The following CCDC15 variants were observed in gnomAD, a reference collection of about 807,000 sequenced individuals.
The protein encoded by CCDC15 is coiled-coil domain-containing protein 15.
Under a neutral mutation model 114.5 loss-of-function variants are expected in CCDC15, and 105 were observed. The ratio of observed to expected loss-of-function variants is 0.92; its 90% CI spans 0.78 to 1.08. The LOEUF is 1.08. CCDC15 is among the 50% of genes least tolerant of loss of function. CCDC15 has a pLI of 0.00. For synonymous variants in CCDC15, 334 were observed against 377.8 expected, an observed-to-expected ratio of 0.88 and a Z score of 1.34; for missense variants, 1,105 against 1,093.6, an observed-to-expected ratio of 1.01 and a Z score of -0.15.
chr11:125,005,774 C>G (rs73020393), intron 13 of CCDC15, among the ~76,000 whole-genome samples: 5,978 of 152,224 alleles, frequency 0.039, 143 homozygotes, highest in Middle Eastern at 0.092. Flanking sequence ...CATGGTTTTG[C>G]CTTTTCCAGA....
intron 10 of CCDC15, 74 bp from the exon 11 acceptor site, chr11:124,993,095 T>C: frequency 1.1e-6 from 1 of 873,716 alleles, no homozygotes; most frequent in Non-Finnish European, 1.9e-6. Context: ...GGATTGTCAC[T>C]GAAGTCTATA....
intron 4 of CCDC15, among the ~76,000 whole-genome samples, chr11:124,974,877 C>T (rs974069577): frequency 6.6e-6 from 1 of 152,136 alleles, no homozygotes; most frequent in African/African-American, 2.4e-5. Flanking sequence ...GTTTGAGTAA[C>T]CGCCCTTAAA....
At chr11:125,010,710 G>T (rs1436473292) in intron 13 of CCDC15, among the ~76,000 whole-genome samples, 1 of 152,114 alleles carries the variant, frequency 6.6e-6, no homozygotes, top group Non-Finnish European at 1.5e-5. Context: ...TTTGTCAGGT[G>T]CATAGTTTGT....
Position 125,038,930 on chromosome 11 carries a change from A to C in CCDC15, c.2595A>C (p.Glu865Asp). The C allele has an allele frequency of 6.2e-7, 1 of 1,613,188 alleles. No individual in the cohort carries two copies. The highest frequency in any genetic ancestry group is 8.5e-7 in the Non-Finnish European group (1 of 1,179,370). The change falls in exon 15 of 16, where the codon GAA becomes GAC. Residue 865 changes from glutamate (E) to aspartate (D), a missense_variant. By Grantham distance (45) the Glu-to-Asp change is conservative. Transcript: ENST00000344762. ...QREKEYLRYV[E>D]ALRAQIQEKM... is the part of the protein sequence containing the mutation. Reference sequence around the variant, plus strand: ...TACTTTATTTGTACAGATATGTAGAAGCTTTACGAGCCCAAATCCAGGAGA... The same window carrying C: ...TACTTTATTTGTACAGATATGTAGACGCTTTACGAGCCCAAATCCAGGAGA...
intron 4 of CCDC15, among the ~76,000 whole-genome samples, chr11:124,962,928 C>T (rs1311226803): frequency 1.3e-5 from 2 of 152,130 alleles, no homozygotes; most frequent in Non-Finnish European, 2.9e-5. Flanking sequence ...AGATAGTTTG[C>T]TTAGAATTAT....
chr11:125,015,671 A>T (rs1467324831), intron 13 of CCDC15, among the ~76,000 whole-genome samples: 1 of 152,192 alleles, frequency 6.6e-6, no homozygotes. Context: ...ATAAGGGAAA[A>T]AATAACATAA....
chr11:124,983,983 A>G (rs182991898), intron 6 of CCDC15, among the ~76,000 whole-genome samples: 1 of 152,208 alleles, frequency 6.6e-6, no homozygotes, highest in African/African-American at 2.4e-5. Context: ...GGTTCCCTCC[A>G]GGTAGGCGTT....
chr11:124,979,489 G>A (rs775118008), intron 6 of CCDC15, among the ~76,000 whole-genome samples: 1 of 152,000 alleles, frequency 6.6e-6, no homozygotes, highest in Non-Finnish European at 1.5e-5. Context: ...TATTGTAGAG[G>A]CCTTTCACCT....
rs139287195 is a variant in CCDC15, at chr11:124,970,925, A to G, written c.517-4171A>G. 4.6e-5 allele frequency among the ~76,000 whole-genome samples: 7 copies of G among 152,306 alleles called. No homozygotes were observed. In the East Asian group the frequency reaches 1.3e-3, roughly 29 times the overall value. On this transcript the variant is annotated intron_variant, in intron 4 of 15. Transcript: ENST00000344762. ...TTTGTTACAAAGAAGTGCTTTTGCT[A>G]ATTGTTAAAGTTATGTTTCTGTGTG...
At chr11:125,003,522 A>T (rs1299095293) in intron 11 of CCDC15, among the ~76,000 whole-genome samples, 1 of 151,984 alleles carries the variant, frequency 6.6e-6, no homozygotes, top group African/African-American at 2.4e-5. Context: ...AATATTAAGG[A>T]ATCTGGCTAT....
rs772742379 is a variant in CCDC15, at chr11:124,954,840, C to T, written c.108C>T (p.Asn36=). 1.9e-5 allele frequency: 31 copies of T among 1,613,858 alleles called. No individual in the cohort carries two copies. Among genetic ancestry groups the T allele is most frequent in the African/African-American group, 6.7e-5 (5 of 74,910 alleles). ...KDVLAVLAER[N]EAIVPVGAWV... is the part of the protein sequence containing the mutation. ...TGTTGGCAGTGCTGGCTGAGAGGAA[C>T]GAGGCTATAGTACCAGTTGGGGCAT... is the stretch of plus-strand genomic sequence containing the variant. Residue 36 remains asparagine, a synonymous_variant, in exon 2 of 16, where the codon AAC becomes AAT. Coordinates refer to ENST00000344762, the MANE Select transcript of CCDC15 (RefSeq NM_025004.3).
intron 2 of CCDC15, among the ~76,000 whole-genome samples, chr11:124,955,615 C>T (rs1284479303): frequency 2.6e-5 from 4 of 152,154 alleles, no homozygotes; most frequent in Non-Finnish European, 5.9e-5. Flanking sequence ...TCAATATAGA[C>T]ACTCATGAAG....
chr11:125,013,996 A>G (rs1948613155), intron 13 of CCDC15, among the ~76,000 whole-genome samples: 1 of 152,188 alleles, frequency 6.6e-6, no homozygotes, highest in African/African-American at 2.4e-5. Context: ...GACATTTGCC[A>G]AAGTCTAAGA....
chr11:124,987,014 G>A, intron 7 of CCDC15, 113 bp from the exon 8 acceptor site: 2 of 1,376,644 alleles, frequency 1.5e-6, no homozygotes, highest in Middle Eastern at 2.1e-4. Context: ...TTCACATTTT[G>A]TTCTAGTAAT....
intron 6 of CCDC15, among the ~76,000 whole-genome samples, chr11:124,985,358 A>C (rs926597562): frequency 6.6e-6 from 1 of 152,122 alleles, no homozygotes; most frequent in African/African-American, 2.4e-5. Flanking sequence ...TTCTTTTAGG[A>C]CATTCATTTC....
At chr11:124,966,299 G>T (rs943883592) in intron 4 of CCDC15, among the ~76,000 whole-genome samples, 1 of 152,144 alleles carries the variant, frequency 6.6e-6, no homozygotes, top group Non-Finnish European at 1.5e-5. Flanking sequence ...GGTCTCTAAG[G>T]AATTGCTTTA....
At chr11:124,963,564 T>G (rs954764534) in intron 4 of CCDC15, among the ~76,000 whole-genome samples, 7 of 151,328 alleles carry the variant, frequency 4.6e-5, no homozygotes, top group Non-Finnish European at 1.0e-4. Flanking sequence ...ATGTGTAGAT[T>G]GCAAAAATTT....
Position 124,954,310 on chromosome 11 carries a change from C to A in CCDC15, c.-70C>A. 6.3e-6 allele frequency: 1 copy of A among 159,158 alleles called. No individual in the cohort carries two copies. The highest frequency in any genetic ancestry group is 1.8e-4 in the East Asian group (1 of 5,534). The allele number at this position is 159,158 out of a possible 1,614,324, so 9.9% of individuals were successfully genotyped here. A position where few individuals can be genotyped will look rare whatever the true frequency, so the allele number is the denominator to read the frequency against. ...CTTTTATCTGGCCCGAGGCTCCCAGCCGTTCAGCGCGTCTTCCCATAACCT... is the reference window on the plus strand; with the variant it reads ...CTTTTATCTGGCCCGAGGCTCCCAGACGTTCAGCGCGTCTTCCCATAACCT... On this transcript the variant is annotated 5_prime_UTR_variant, in exon 1 of 16. Transcript: ENST00000344762.
chr11:124,968,856 A>G (rs1042605009), intron 4 of CCDC15, among the ~76,000 whole-genome samples: 1 of 152,050 alleles, frequency 6.6e-6, no homozygotes, highest in African/African-American at 2.4e-5. Context: ...CAACACCTCC[A>G]CTATTGGACA....
Sources: allele counts gnomAD v4.1 joint callset (sites outside exome capture counted in the v4.1 genomes callset), GRCh38; gene constraint gnomAD v4.1.1; transcripts MANE v1.5; gene names NCBI Gene and HGNC (gene_info 2026-07-23, HGNC 2026-07-21).